Variants in PTCD3 observed in about 807,000 individuals in gnomAD.
PTCD3 encodes pentatricopeptide repeat domain 3.
In PTCD3, 89 loss-of-function variants were observed where a neutral mutation model predicts 101.9. That is an observed-to-expected ratio of 0.87 (90% CI 0.74 to 1.04). PTCD3 has a LOEUF of 1.04. PTCD3 is among the 50% of genes least tolerant of loss of function. The pLI, the probability that PTCD3 is intolerant of heterozygous loss-of-function variation, is 0.00. For synonymous variants in PTCD3, 296 were observed against 278.5 expected (o/e 1.06, Z -0.63); for missense variants, 870 against 828.2 (o/e 1.05, Z -0.62).
At chr2:86,136,487 A>G in intron 21 of PTCD3, 34 bp from the exon 22 acceptor site, 13 of 1,577,750 alleles carry the variant, frequency 8.2e-6, no homozygotes, top group Non-Finnish European at 1.0e-5. Context: ...TGTTTTTCTA[A>G]TAGTATTCAT....
At chr2:86,130,611 G>A in intron 14 of PTCD3, 37 bp from the exon 15 acceptor site, 1 of 1,594,820 alleles carries the variant, frequency 6.3e-7, no homozygotes. Flanking sequence ...GGTGGTAAAG[G>A]AAGTGGATTA....
At chr2:86,120,563 A>G (rs932464608) in intron 7 of PTCD3, among the ~76,000 whole-genome samples, 1 of 152,102 alleles carries the variant, frequency 6.6e-6, no homozygotes, top group Admixed American at 6.6e-5. Flanking sequence ...ACATTTCCTG[A>G]TGGGCATTTT....
Position 86,125,877 on chromosome 2 carries a change from A to T in PTCD3, c.948A>T (p.Ile316=). ...AATTTGAGGAAAAATGGAGTAAAATACTGGTAAGGAGGAATCCTCAGTTTA... is the reference window on the plus strand; with the variant it reads ...AATTTGAGGAAAAATGGAGTAAAATTCTGGTAAGGAGGAATCCTCAGTTTA... ...NEKFEEKWSK[I]LELLRHMVAQ... The change falls in exon 12 of 24, where the codon ATA becomes ATT. Residue 316 remains isoleucine (I), a synonymous_variant. Coordinates refer to ENST00000254630, the MANE Select transcript of PTCD3 (RefSeq NM_017952.6). 6.3e-7 allele frequency: 1 copy of T among 1,588,462 alleles called. No individual in the cohort carries two copies. The highest frequency in any genetic ancestry group is 1.1e-5 in the South Asian group (1 of 90,432).
chr2:86,119,492 G>T, intron 7 of PTCD3: 2 of 165,706 alleles, frequency 1.2e-5, no homozygotes, highest in South Asian at 3.1e-4. Context: ...GAGTAGCTGG[G>T]ACTACATGCA....
chr2:86,133,095 A>T, intron 17 of PTCD3, 83 bp from the exon 18 acceptor site: 1 of 1,517,064 alleles, frequency 6.6e-7, no homozygotes. Context: ...GTAACATATA[A>T]TATGCTATAA....
At chr2:86,136,584 C>G in intron 22 of PTCD3, 22 bp downstream of exon 22, 1 of 1,606,214 alleles carries the variant, frequency 6.2e-7, no homozygotes, top group Non-Finnish European at 8.5e-7. Flanking sequence ...TCAGCCAGCT[C>G]TCTTTGGGTA....
Position 86,106,306 on chromosome 2 carries a change from T to A in PTCD3, c.59T>A (p.Leu20Gln), listed in dbSNP as rs747435529. Residue 20 changes from leucine to glutamine, a missense_variant, in exon 1 of 24, where the codon CTG (leucine) becomes CAG (glutamine). Coordinates refer to ENST00000254630, the MANE Select transcript of PTCD3 (RefSeq NM_017952.6). ...CTCCGCAGCAGGCTTGGCCAGCCGC[T>A]GACGGGTCGGCGGGCGGGTTTGTGT... The part of the protein sequence containing the change: ...LGLRSRLGQP[L>Q]TGRRAGLCEQ... 1 of 1,614,116 alleles carries A rather than the reference T, an allele frequency of 6.2e-7. No individual in the cohort carries two copies. The highest frequency in any genetic ancestry group is 1.7e-5 in the Admixed American group (1 of 60,024).
intron 1 of PTCD3, chr2:86,106,980 T>C (rs560026848): frequency 6.8e-5 from 25 of 368,746 alleles, no homozygotes; most frequent in South Asian, 5.2e-4. Flanking sequence ...GTTTAGTGTT[T>C]GCCATTCACT....
chr2:86,117,029 G>T (rs142284469), intron 5 of PTCD3, 26 bp from the exon 6 acceptor site: 1 of 883,776 alleles, frequency 1.1e-6, no homozygotes, highest in Non-Finnish European at 1.9e-6. Context: ...TAAATTACAT[G>T]TATTTAAATC....
intron 13 of PTCD3, 79 bp downstream of exon 13, chr2:86,127,384 T>G (rs1291164209): frequency 1.4e-6 from 2 of 1,446,846 alleles, no homozygotes; most frequent in African/African-American, 2.9e-5. Context: ...GCAAAGAGCT[T>G]TAAATTATTC....
At chr2:86,125,345 C>A in intron 10 of PTCD3, 110 bp from the exon 11 acceptor site, 1 of 1,222,880 alleles carries the variant, frequency 8.2e-7, no homozygotes, top group Non-Finnish European at 1.2e-6. Context: ...TTCATGAGAA[C>A]AGGAGCCTGA....
At chr2:86,107,086 T>C (rs1673969938) in intron 1 of PTCD3, 1 of 470,266 alleles carries the variant, frequency 2.1e-6, no homozygotes, top group African/African-American at 2.0e-5. Context: ...GTATGTAATT[T>C]ACAATATGTT....
rs928214770 is a variant in PTCD3, at chr2:86,127,843, C to T, written c.1097-98C>T. ...AATGCATATTTTGCTTAAATATTAA[C>T]AATATGTTTTTAATTCAGTGTGTCT... On this transcript the variant is annotated intron_variant, in intron 13 of 23. Transcript: ENST00000254630. The T allele has an allele frequency of 6.2e-6, 6 of 973,356 alleles. No individual in the cohort carries two copies. The African/African-American group carries it at 6.5e-5, about 10-fold the overall frequency. The allele number at this position is 973,356 out of a possible 1,614,324, so 60.3% of individuals were successfully genotyped here.
In PTCD3 at chr2:86,110,977, G is replaced by C. The variant is rs564873769; in HGVS notation, c.195-136G>C. On this transcript the variant is annotated intron_variant, in intron 3 of 23. Coordinates refer to ENST00000254630, the MANE Select transcript of PTCD3 (RefSeq NM_017952.6). ...TTTTCTTAATTTCTAATTTATTCTA[G>C]TGACCTTGTGACATAACCAGCTTCA... 2 of 833,754 alleles carry C rather than the reference G, an allele frequency of 2.4e-6. 1 individual carries two copies. Among genetic ancestry groups the C allele is most frequent in the South Asian group, 2.7e-5 (2 of 73,078 alleles). The allele number at this position is 833,754 out of a possible 1,614,324, so 51.6% of individuals were successfully genotyped here. A position where few individuals can be genotyped will look rare whatever the true frequency, so the allele number is the denominator to read the frequency against.
rs1036745739 is a variant in PTCD3, at chr2:86,132,551, A to G, written c.1373+127A>G. The G allele has an allele frequency of 7.8e-5, 46 of 592,322 alleles. No individual in the cohort carries two copies. The Admixed American group carries it at 1.4e-3, about 19-fold the overall frequency. 36.7% of individuals were successfully genotyped at this position (592,322 alleles called of 1,614,324 possible). On this transcript the variant is annotated intron_variant, in intron 17 of 23. Coordinates refer to ENST00000254630, the MANE Select transcript of PTCD3 (RefSeq NM_017952.6). ...TGCCAATGATCTAATAGGACATGTTAATTGAGCACTTAGGAATTAAAGCAG... is the reference window on the plus strand; with the variant it reads ...TGCCAATGATCTAATAGGACATGTTGATTGAGCACTTAGGAATTAAAGCAG...
At chr2:86,106,450 C>G in intron 1 of PTCD3, 99 bp downstream of exon 1, 1 of 1,261,550 alleles carries the variant, frequency 7.9e-7, no homozygotes, top group Non-Finnish European at 1.1e-6. Context: ...AAATGGTTTG[C>G]TCATGCGCGC....
At chr2:86,136,640 C>T in intron 22 of PTCD3, 78 bp downstream of exon 22, 1 of 1,495,692 alleles carries the variant, frequency 6.7e-7, no homozygotes, top group South Asian at 1.1e-5. Context: ...CAGCCTTAGC[C>T]ACCACATTTG....
In PTCD3 at chr2:86,121,538, G is replaced by C; in HGVS notation, c.598G>C (p.Asp200His). Residue 200 changes from aspartate to histidine, a missense_variant, in exon 8 of 24, where the codon GAC (aspartate) becomes CAC (histidine). Asp to His is a moderately conservative substitution (Grantham distance 81). Transcript: ENST00000254630. ...CTTGGATTTATTGTGTTACTATGGT[G>C]ACCAGGAGCCCTCAACTGATTACCA... ...SLLDLLCYYG[D>H]QEPSTDYHFQ... 1 of 1,611,678 alleles carries C rather than the reference G, an allele frequency of 6.2e-7. No homozygotes were observed. The highest frequency in any genetic ancestry group is 8.5e-7 in the Non-Finnish European group (1 of 1,178,844).
At chr2:86,124,954 T>A in intron 9 of PTCD3, 41 bp from the exon 10 acceptor site, 1 of 1,607,546 alleles carries the variant, frequency 6.2e-7, no homozygotes, top group Non-Finnish European at 8.5e-7. Context: ...CTCATTGGTA[T>A]TTCTTATTGC....
Sources: gnomAD v4.1 joint callset for allele counts (sites outside exome capture counted in the v4.1 genomes callset) on GRCh38, gnomAD v4.1.1 for gene constraint, MANE v1.5 for transcripts, NCBI Gene and HGNC (gene_info 2026-07-23, HGNC 2026-07-21) for gene names.